CEP295: variants seen among roughly 807,000 people sequenced by gnomAD.
CEP295 encodes centrosomal protein 295.
A neutral mutation model predicts 291.6 loss-of-function variants in CEP295; 190 were observed. The observed-to-expected ratio is 0.65, with a 90% confidence interval of 0.58 to 0.73. The LOEUF is 0.73. Among genes scored for constraint, CEP295 ranks in the 30% least tolerant of loss-of-function variants. The pLI, the probability that CEP295 is intolerant of heterozygous loss-of-function variation, is 0.00. For synonymous variants in CEP295, 993 were observed against 1,038.8 expected (o/e 0.96, Z 0.85); for missense variants, 2,863 against 2,949.4 (o/e 0.97, Z 0.68).
In CEP295 at chr11:93,699,045, T is replaced by C. The variant is rs2135118837; in HGVS notation, c.4133T>C (p.Leu1378Ser). 2.6e-6 allele frequency: 4 copies of C among 1,546,264 alleles called. No individual in the cohort carries two copies. The highest frequency in any genetic ancestry group is 4.9e-5 in the East Asian group (2 of 40,914). Residue 1378 changes from leucine (L) to serine (S), a missense_variant, in exon 15 of 30, where the codon TTA becomes TCA. Leu to Ser is a moderately radical substitution (Grantham distance 145). Transcript: ENST00000325212. ...ARQEAREELL[L>S]HQSEWEGRIS... is the part of the protein sequence containing the mutation. ...CAAGAAGCTCGGGAAGAATTACTTT[T>C]ACATCAGAGTGAATGGGAGGGAAGA...
chr11:93,700,308 A>G, intron 15 of CEP295, 122 bp downstream of exon 15: 1 of 882,878 alleles, frequency 1.1e-6, no homozygotes, highest in Non-Finnish European at 1.7e-6. Context: ...CTGTGCTTTG[A>G]TTTTTCACCC....
At position 93,683,530 on chromosome 11, in the gene CEP295, G is replaced by A. The variant is rs916670959; in HGVS notation, c.766-29G>A. 3 of 1,468,956 alleles carry A rather than the reference G, an allele frequency of 2.0e-6. No homozygotes were observed. The African/African-American group carries it at 4.4e-5, about 21-fold the overall frequency. The allele number at this position is 1,468,956 out of a possible 1,614,324, so 91.0% of individuals were successfully genotyped here. A position where few individuals can be genotyped will look rare whatever the true frequency, so the allele number is the denominator to read the frequency against. ...ATTACCATACAAAGTTTGTGACTCA[G>A]TTTTTGTTAATTCTCTTTATTCTTG... is the stretch of plus-strand genomic sequence containing the variant. On this transcript the variant is annotated intron_variant, in intron 7 of 29. Transcript: ENST00000325212.
At position 93,699,430 on chromosome 11, in the gene CEP295, G is replaced by A. The variant is rs3802775; in HGVS notation, c.4518G>A (p.Gln1506=). ...TCCAGTCTCACCATGGTGATTTGCA[G>A]GCACTTCAACAGCAGTTAGATACAC... ...HFIQSHHGDL[Q]ALQQQLDTQK... Residue 1506 remains glutamine, a synonymous_variant, in exon 15 of 30, where the codon CAG becomes CAA. Coordinates refer to ENST00000325212, the MANE Select transcript of CEP295 (RefSeq NM_033395.2). 6,194 of 1,551,694 alleles carry A rather than the reference G, an allele frequency of 4.0e-3. 153 individuals are homozygous for A. In the East Asian group the frequency reaches 0.069, roughly 17 times the overall value.
intron 5 of CEP295, among the ~76,000 whole-genome samples, chr11:93,670,015 A>G (rs1336988426): frequency 6.6e-6 from 1 of 152,114 alleles, no homozygotes; most frequent in South Asian, 2.1e-4. Flanking sequence ...TATTGTTTCC[A>G]ATATTATTTA....
chr11:93,697,933 A>C lies in CEP295; in HGVS notation c.3021A>C (p.Leu1007=), dbSNP rs1462505708. ...FQVAQHTFTS[L]PSADTKSGKI... ...TAGCTCAGCATACATTTACTTCACT[A>C]CCATCTGCTGATACAAAATCTGGAA... is the stretch of plus-strand genomic sequence containing the variant. Residue 1007 remains leucine, a synonymous_variant, in exon 15 of 30, where the codon CTA becomes CTC. Coordinates refer to ENST00000325212, the MANE Select transcript of CEP295 (RefSeq NM_033395.2). 6.4e-7 allele frequency: 1 copy of C among 1,551,698 alleles called. No individual in the cohort carries two copies. Among genetic ancestry groups the C allele is most frequent in the Admixed American group, 2.0e-5 (1 of 50,990 alleles).
rs538261153 is a variant in CEP295 at position 93,669,652 on chromosome 11, T to G, written c.435-25T>G. The G allele has an allele frequency of 9.1e-5, 130 of 1,421,772 alleles. No homozygotes were observed. In the African/African-American group the frequency reaches 1.7e-3, roughly 18 times the overall value. 88.1% of individuals were successfully genotyped at this position (1,421,772 alleles called of 1,614,324 possible). ...TATAATATTATCACTGAGAGATTAA[T>G]TGATGACATCTCTTGTTTCTTAAGG... On this transcript the variant is annotated intron_variant, in intron 4 of 29. Coordinates refer to ENST00000325212, the MANE Select transcript of CEP295 (RefSeq NM_033395.2).
intron 18 of CEP295, among the ~76,000 whole-genome samples, chr11:93,709,361 G>T (rs1349193982): frequency 1.3e-5 from 2 of 152,130 alleles, no homozygotes; most frequent in Non-Finnish European, 2.9e-5. Flanking sequence ...TCTTCCATAT[G>T]TGGGTATCCA....
intron 17 of CEP295, among the ~76,000 whole-genome samples, chr11:93,703,832 A>G (rs1299416251): frequency 6.9e-6 from 1 of 145,964 alleles, no homozygotes; most frequent in African/African-American, 2.6e-5. Context: ...GCAGTGGCGC[A>G]ATCTCGGCTC....
At chr11:93,691,862 G>A (rs563648218) in intron 11 of CEP295, 65 bp from the exon 12 acceptor site, 3 of 1,283,156 alleles carry the variant, frequency 2.3e-6, no homozygotes. Context: ...ATTAAGAAAG[G>A]GCATTATAGT....
rs1420718380 is a variant in CEP295, at chr11:93,725,553, T to TAA, written c.6319-97_6319-96dup. 1.6e-5 allele frequency: 15 copies of TAA among 961,350 alleles called. No individual in the cohort carries two copies. In the Admixed American group the frequency reaches 5.2e-4, roughly 33 times the overall value. The allele number at this position is 961,350 out of a possible 1,614,324, so 59.6% of individuals were successfully genotyped here. On this transcript the variant is annotated intron_variant, in intron 22 of 29. Transcript: ENST00000325212. ...AATCATTGCTGTCATAGTGAAGTGA[T>TAA]AATTAAGGAAGAGTAATACCAAAGG...
intron 10 of CEP295, among the ~76,000 whole-genome samples, chr11:93,691,088 A>T (rs1169964636): frequency 1.3e-5 from 2 of 152,178 alleles, no homozygotes; most frequent in Non-Finnish European, 2.9e-5. Flanking sequence ...CTAATTTTAT[A>T]ATTTTTTTCT....
In CEP295 at chr11:93,667,644, G is replaced by A. The variant is rs1950251669; in HGVS notation, c.146G>A (p.Arg49Lys). Residue 49 changes from arginine (R) to lysine (K), a missense_variant, in exon 3 of 30, where the codon AGA (arginine) becomes AAA (lysine). Transcript: ENST00000325212. ...EQERDIALQI[R>K]EDIKQRRNQQ... The stretch of plus-strand genomic sequence containing the variant: ...GAAAGAGATATCGCCTTACAGATAA[G>A]AGAAGACATAAAACAGAGGAGAAAT... The A allele has an allele frequency of 6.4e-7, 1 of 1,551,132 alleles. No individual in the cohort carries two copies. The highest frequency in any genetic ancestry group is 8.7e-7 in the Non-Finnish European group (1 of 1,146,690).
At chr11:93,727,786 C>G in intron 24 of CEP295, 149 bp downstream of exon 24, 1 of 653,230 alleles carries the variant, frequency 1.5e-6, no homozygotes, top group Non-Finnish European at 2.6e-6. Context: ...CCTCAACTTC[C>G]GAAGTAGTTT....
rs1234093892 is a variant in CEP295, at chr11:93,687,681, A to C, written c.1152A>C (p.Lys384Asn). Reference sequence around the variant, plus strand: ...TGAAGACCCAACAGATTCCTTCAAAAGTTCTTTTTAAAAAATTATTAAATA... The same window carrying C: ...TGAAGACCCAACAGATTCCTTCAAACGTTCTTTTTAAAAAATTATTAAATA... ...LVMKTQQIPS[K>N]VLFKKLLNKI... The change falls in exon 10 of 30, where the codon AAA (lysine) becomes AAC (asparagine). Residue 384 changes from lysine (K) to asparagine (N), a missense_variant. Transcript: ENST00000325212. 2 of 1,540,924 alleles carry C rather than the reference A, an allele frequency of 1.3e-6. No homozygotes were observed. Among genetic ancestry groups the C allele is most frequent in the African/African-American group, 1.4e-5 (1 of 72,676 alleles).
At chr11:93,712,886 G>A (rs2135242218) in intron 18 of CEP295, among the ~76,000 whole-genome samples, 1 of 146,708 alleles carries the variant, frequency 6.8e-6, no homozygotes, top group South Asian at 2.2e-4. Flanking sequence ...TGTTGTTGTT[G>A]TTGTTGTTTT....
rs1159089123 is a variant in CEP295, at chr11:93,727,268, T to TACTA, written c.6792_6793insACTA (p.Glu2265ThrfsTer19). 1 of 1,551,776 alleles carries TACTA rather than the reference T, an allele frequency of 6.4e-7. No homozygotes were observed. The highest frequency in any genetic ancestry group is 8.7e-7 in the Non-Finnish European group (1 of 1,146,972). On this transcript the variant is annotated frameshift_variant, in exon 24 of 30. Coordinates refer to ENST00000325212, the MANE Select transcript of CEP295 (RefSeq NM_033395.2). LOFTEE classifies it high-confidence loss of function. Reference sequence around the variant, plus strand: ...GCACTCCATGTGGTTCTAACTCTAGTGAGTGCTCAACAAAACACCAACTAG... The same window carrying TACTA: ...GCACTCCATGTGGTTCTAACTCTAGTACTAGAGTGCTCAACAAAACACCAACTAG...
chr11:93,725,766 A>G lies in CEP295; in HGVS notation c.6434A>G (p.Gln2145Arg). The part of the protein sequence containing the change: ...MHSSLNTSPN[Q>R]QPDTNLAHVG... ...TCTTCTCTTAACACAAGTCCGAATC[A>G]ACAACCTGACACTAACTTGGCTCAT... The change falls in exon 23 of 30, where the codon CAA (glutamine) becomes CGA (arginine). Residue 2145 changes from glutamine (Q) to arginine (R), a missense_variant. By Grantham distance (43) the Gln-to-Arg change is conservative. Transcript: ENST00000325212. 1 of 1,551,776 alleles carries G rather than the reference A, an allele frequency of 6.4e-7. No homozygotes were observed. Among genetic ancestry groups the G allele is most frequent in the Non-Finnish European group, 8.7e-7 (1 of 1,146,990 alleles).
At chr11:93,664,365 C>T (rs1322196270) in intron 1 of CEP295, among the ~76,000 whole-genome samples, 9 of 152,310 alleles carry the variant, frequency 5.9e-5, no homozygotes, top group South Asian at 2.1e-4. Context: ...CCCTTGGCTC[C>T]GCCACTAGAT....
In CEP295 at chr11:93,726,995, A is replaced by G. The variant is rs941308327; in HGVS notation, c.6519A>G (p.Glu2173=). The change falls in exon 24 of 30, where the codon GAA becomes GAG. Residue 2173 remains glutamate, a synonymous_variant. Transcript: ENST00000325212. ...NIIGGSEQCF[E]QLQPEYSSQE... ...ATGCAGGATCTGAACAATGTTTTGAACAGCTTCAGCCAGAATATTCTTCAC... is the reference window on the plus strand; with the variant it reads ...ATGCAGGATCTGAACAATGTTTTGAGCAGCTTCAGCCAGAATATTCTTCAC... 17 of 1,521,778 alleles carry G rather than the reference A, an allele frequency of 1.1e-5. No homozygotes were observed. The highest frequency in any genetic ancestry group is 1.1e-5 in the Non-Finnish European group (12 of 1,136,028). The allele number at this position is 1,521,778 out of a possible 1,614,324, so 94.3% of individuals were successfully genotyped here.
Sources: gnomAD v4.1 joint callset for allele counts (sites outside exome capture counted in the v4.1 genomes callset) on GRCh38, gnomAD v4.1.1 for gene constraint, MANE v1.5 for transcripts, NCBI Gene and HGNC (gene_info 2026-07-23, HGNC 2026-07-21) for gene names.